Variants in DLG2 observed in about 807,000 individuals in gnomAD.
DLG2 encodes discs large MAGUK scaffold protein 2.
A neutral mutation model predicts 132.5 loss-of-function variants in DLG2; 45 were observed. That is an observed-to-expected ratio of 0.34 (90% CI 0.27 to 0.44). DLG2 has a LOEUF of 0.44. Among genes scored for constraint, DLG2 ranks in the 20% least tolerant of loss-of-function variants. The pLI is 1.00. For synonymous variants in DLG2, 424 were observed against 419.6 expected, an observed-to-expected ratio of 1.01 and a Z score of -0.13; for missense variants, 1,045 against 1,196.9, an observed-to-expected ratio of 0.87 and a Z score of 1.87.
At chr11:84,925,598 G>T (rs1247448330) in intron 6 of DLG2, among the ~76,000 whole-genome samples, 2 of 152,102 alleles carry the variant, frequency 1.3e-5, no homozygotes, top group Non-Finnish European at 2.9e-5. Flanking sequence ...TTAAGGCAAG[G>T]AATTCATCAG....
At chr11:84,756,581 GTTGT>G (rs2066904778) in intron 6 of DLG2, among the ~76,000 whole-genome samples, 1 of 152,114 alleles carries the variant, frequency 6.6e-6, no homozygotes, top group East Asian at 1.9e-4. Context: ...ACCTTAGAAG[GTTGT>G]TAAGAGAATT....
chr11:83,929,706 G>T (rs184394354), intron 15 of DLG2, among the ~76,000 whole-genome samples: 1 of 152,154 alleles, frequency 6.6e-6, no homozygotes, highest in East Asian at 1.9e-4. Flanking sequence ...CTTAAAATAG[G>T]CTGGGAGCAG....
chr11:84,481,901 A>G (rs2099138765), intron 7 of DLG2, among the ~76,000 whole-genome samples: 1 of 152,226 alleles, frequency 6.6e-6, no homozygotes, highest in Non-Finnish European at 1.5e-5. Flanking sequence ...TCAGGATCAG[A>G]CAGGGACTTC....
intron 3 of DLG2, among the ~76,000 whole-genome samples, chr11:85,443,217 T>G (rs763842057): frequency 3.9e-5 from 6 of 152,242 alleles, no homozygotes; most frequent in Non-Finnish European, 5.9e-5. Flanking sequence ...CCCTTTAAGA[T>G]GTCAATCTCC....
At chr11:85,488,204 T>C (rs2093474338) in intron 3 of DLG2, among the ~76,000 whole-genome samples, 3 of 152,056 alleles carry the variant, frequency 2.0e-5, no homozygotes, top group South Asian at 2.1e-4. Flanking sequence ...GTCTGGTGAA[T>C]GTGGTGAAAC....
At chr11:83,917,752 T>C (rs2077161910) in intron 15 of DLG2, among the ~76,000 whole-genome samples, 1 of 152,224 alleles carries the variant, frequency 6.6e-6, no homozygotes, top group South Asian at 2.1e-4. Context: ...ACCCACCACT[T>C]GTCATTCCAA....
intron 2 of DLG2, among the ~76,000 whole-genome samples, chr11:85,622,032 T>C (rs1408050653): frequency 6.6e-6 from 1 of 152,182 alleles, no homozygotes; most frequent in Non-Finnish European, 1.5e-5. Flanking sequence ...CATCCCAACC[T>C]TCAGCAATCA....
At chr11:83,746,511 G>T (rs1028594371) in intron 18 of DLG2, among the ~76,000 whole-genome samples, 4 of 152,058 alleles carry the variant, frequency 2.6e-5, no homozygotes, top group Non-Finnish European at 5.9e-5. Context: ...CTCACTTATA[G>T]GTGGGAATTG....
At chr11:84,922,102 G>A (rs1462192775) in intron 6 of DLG2, among the ~76,000 whole-genome samples, 1 of 148,860 alleles carries the variant, frequency 6.7e-6, no homozygotes, top group Non-Finnish European at 1.5e-5. Flanking sequence ...CACAGAAAAT[G>A]AAACTTTAGT....
At chr11:85,151,277 T>C (rs2077231553) in intron 5 of DLG2, among the ~76,000 whole-genome samples, 1 of 152,224 alleles carries the variant, frequency 6.6e-6, no homozygotes. Context: ...CTTTCACATA[T>C]ATATGATTTG....
At chr11:84,215,915 G>A (rs530806183) in intron 8 of DLG2, among the ~76,000 whole-genome samples, 75 of 152,230 alleles carry the variant, frequency 4.9e-4, no homozygotes, top group African/African-American at 1.7e-3. Context: ...CAGAAGTAGT[G>A]GTTTTGGAAA....
chr11:84,851,255 T>A (rs970430791), intron 6 of DLG2, among the ~76,000 whole-genome samples: 1 of 152,138 alleles, frequency 6.6e-6, no homozygotes, highest in Admixed American at 6.6e-5. Flanking sequence ...TACTCTTTAA[T>A]GTCTGTCTTC....
At chr11:84,837,600 G>A (rs2154003004) in intron 6 of DLG2, among the ~76,000 whole-genome samples, 1 of 151,888 alleles carries the variant, frequency 6.6e-6, no homozygotes, top group East Asian at 2.0e-4. Flanking sequence ...TTCAACCATT[G>A]TGTGATTTTA....
chr11:85,158,224 G>A (rs1346110117), intron 4 of DLG2, among the ~76,000 whole-genome samples: 2 of 152,142 alleles, frequency 1.3e-5, no homozygotes, highest in Non-Finnish European at 2.9e-5. Flanking sequence ...TGCGATAATG[G>A]TGGAAGGAAC....
chr11:84,346,197 C>G (rs368222108), intron 7 of DLG2, among the ~76,000 whole-genome samples: 8 of 152,168 alleles, frequency 5.3e-5, no homozygotes, highest in Non-Finnish European at 7.3e-5. Context: ...GCAAAGTATT[C>G]TTTGATACTC....
intron 4 of DLG2, among the ~76,000 whole-genome samples, chr11:85,271,899 G>A (rs1457468175): frequency 6.6e-6 from 1 of 152,164 alleles, no homozygotes; most frequent in Non-Finnish European, 1.5e-5. Flanking sequence ...TTTGGACTGT[G>A]TACTTTTGAG....
At chr11:84,321,981 C>G (rs766410313) in intron 7 of DLG2, among the ~76,000 whole-genome samples, 14 of 152,136 alleles carry the variant, frequency 9.2e-5, no homozygotes, top group Non-Finnish European at 1.9e-4. Context: ...GTATTTAAAA[C>G]AAGAATTACA....
chr11:84,581,131 A>C (rs2154529132), intron 6 of DLG2, among the ~76,000 whole-genome samples: 1 of 152,288 alleles, frequency 6.6e-6, no homozygotes, highest in Middle Eastern at 3.4e-3. Flanking sequence ...CCTTTTACAA[A>C]TATTTGACGA....
chr11:83,462,294 G>T, intron 26 of DLG2: 1 of 550,742 alleles, frequency 1.8e-6, no homozygotes, highest in East Asian at 2.9e-5. Flanking sequence ...CTCTCAAAGG[G>T]CAGTCTCTTG....
Sources: allele counts gnomAD v4.1 joint callset (sites outside exome capture counted in the v4.1 genomes callset), GRCh38; gene constraint gnomAD v4.1.1; transcripts MANE v1.5; gene names NCBI Gene and HGNC (gene_info 2026-07-23, HGNC 2026-07-21).